The following TECR variants were observed in gnomAD, a reference collection of about 807,000 sequenced individuals.
The protein encoded by TECR is trans-2,3-enoyl-CoA reductase.
A neutral mutation model predicts 50.6 loss-of-function variants in TECR; 19 were observed. The ratio of observed to expected loss-of-function variants is 0.38; its 90% CI spans 0.26 to 0.55. TECR has a LOEUF of 0.55. Ranked by LOEUF, TECR falls within the 20% of genes least tolerant of loss-of-function variation. The pLI is 0.79. For synonymous variants in TECR, 168 were observed against 163.5 expected (o/e 1.03, Z -0.21); for missense variants, 313 against 408.3 (o/e 0.77, Z 2.01).
intron 1 of TECR, among the ~76,000 whole-genome samples, chr19:14,559,741 C>T (rs991923237): frequency 6.6e-6 from 1 of 151,364 alleles, no homozygotes; most frequent in Non-Finnish European, 1.5e-5. Context: ...GAGTCAAGAT[C>T]GCACTGCTGC....
chr19:14,535,165 G>C (rs189226586), intron 1 of TECR, among the ~76,000 whole-genome samples: 165 of 151,870 alleles, frequency 1.1e-3, no homozygotes, highest in Admixed American at 9.5e-3. Flanking sequence ...CTGAGGTCAG[G>C]AGTTCAAGAC....
chr19:14,529,818 G>A, intron 1 of TECR, 107 bp downstream of exon 1: 1 of 1,533,150 alleles, frequency 6.5e-7, no homozygotes, highest in East Asian at 2.3e-5. Context: ...CGAAGGAAGA[G>A]CCAGACGGCG....
At chr19:14,559,510 G>A (rs1381834351) in intron 1 of TECR, among the ~76,000 whole-genome samples, 1 of 151,618 alleles carries the variant, frequency 6.6e-6, no homozygotes, top group Non-Finnish European at 1.5e-5. Flanking sequence ...ATTATAGGCC[G>A]GGCCAGGTGG....
intron 1 of TECR, among the ~76,000 whole-genome samples, chr19:14,543,421 T>TA (rs1568406080): frequency 1.7e-3 from 12 of 6,902 alleles, no homozygotes; most frequent in African/African-American, 2.5e-3. Context: ...ATATATATAT[T>TA]TTTTTTTTTT....
At chr19:14,547,020 A>G (rs1228921169) in intron 1 of TECR, among the ~76,000 whole-genome samples, 4 of 152,202 alleles carry the variant, frequency 2.6e-5, no homozygotes, top group Non-Finnish European at 5.9e-5. Flanking sequence ...AATTTGATCA[A>G]CATGATAGGG....
At chr19:14,540,112 T>C (rs2073047908) in intron 1 of TECR, among the ~76,000 whole-genome samples, 1 of 151,394 alleles carries the variant, frequency 6.6e-6, no homozygotes. Context: ...CAGGCTGGAG[T>C]GCAGTGGCAT....
intron 1 of TECR, among the ~76,000 whole-genome samples, chr19:14,547,547 A>C (rs1366258209): frequency 1.3e-5 from 2 of 152,082 alleles, no homozygotes; most frequent in Non-Finnish European, 2.9e-5. Context: ...TTTTCAGTCG[A>C]GATGAGTTTT....
chr19:14,532,752 A>T (rs968116564), intron 1 of TECR, among the ~76,000 whole-genome samples: 3 of 152,178 alleles, frequency 2.0e-5, no homozygotes, highest in African/African-American at 7.2e-5. Context: ...GGTCAGTAAA[A>T]ATAGAAAGGA....
chr19:14,565,969 G>T lies in TECR; in HGVS notation c.*98G>T, dbSNP rs1358836818. On this transcript the variant is annotated 3_prime_UTR_variant, in exon 13 of 13. Transcript: ENST00000215567. ...CCAGCACCCGGAATAAAGCCCGCCT[G>T]CCCCAGTCGGACTCGGGCTCTGTGT... 1.3e-6 allele frequency: 2 copies of T among 1,552,376 alleles called. No individual in the cohort carries two copies. Among genetic ancestry groups the T allele is most frequent in the Admixed American group, 1.9e-5 (1 of 52,044 alleles).
At chr19:14,560,164 C>A (rs560304948) in intron 1 of TECR, among the ~76,000 whole-genome samples, 1 of 152,198 alleles carries the variant, frequency 6.6e-6, no homozygotes. Flanking sequence ...AGCAGCTAGC[C>A]GGGACCCCGA....
At chr19:14,542,542 A>G (rs1221972559) in intron 1 of TECR, among the ~76,000 whole-genome samples, 2 of 151,036 alleles carry the variant, frequency 1.3e-5, no homozygotes, top group Non-Finnish European at 3.0e-5. Context: ...TTTTATTTTT[A>G]GTAGAAATGT....
chr19:14,539,368 G>T (rs578110432), intron 1 of TECR, among the ~76,000 whole-genome samples: 1 of 151,936 alleles, frequency 6.6e-6, no homozygotes, highest in South Asian at 2.1e-4. Flanking sequence ...ACCACACTCA[G>T]AGCCCACTTT....
intron 1 of TECR, among the ~76,000 whole-genome samples, chr19:14,552,998 G>A (rs796815330): frequency 6.6e-6 from 1 of 152,072 alleles, no homozygotes; most frequent in African/African-American, 2.4e-5. Context: ...GGGCACAACC[G>A]CAGGGATGGG....
chr19:14,533,236 C>T (rs2072739715), intron 1 of TECR, among the ~76,000 whole-genome samples: 1 of 152,128 alleles, frequency 6.6e-6, no homozygotes, highest in African/African-American at 2.4e-5. Flanking sequence ...GCCTGGCCAA[C>T]ATGATGAAAC....
At chr19:14,544,984 C>T (rs1457759529) in intron 1 of TECR, 8 of 414,414 alleles carry the variant, frequency 1.9e-5, no homozygotes, top group Non-Finnish European at 3.9e-5. Context: ...CTGCGGTGTC[C>T]TTTTCACTCC....
chr19:14,561,642 A>C (rs1338898934), intron 1 of TECR, among the ~76,000 whole-genome samples: 1 of 152,100 alleles, frequency 6.6e-6, no homozygotes, highest in East Asian at 1.9e-4. Flanking sequence ...TAAGGTGAGA[A>C]GTGGGTGGGG....
At chr19:14,535,042 G>A (rs1232053089) in intron 1 of TECR, among the ~76,000 whole-genome samples, 1 of 152,048 alleles carries the variant, frequency 6.6e-6, no homozygotes, top group African/African-American at 2.4e-5. Context: ...CCCTAAAATC[G>A]GATGGGCTGC....
At chr19:14,542,844 T>C (rs2073148940) in intron 1 of TECR, among the ~76,000 whole-genome samples, 1 of 152,156 alleles carries the variant, frequency 6.6e-6, no homozygotes, top group Non-Finnish European at 1.5e-5. Context: ...TGTGGCCCTG[T>C]AGCTGTGTCA....
intron 1 of TECR, among the ~76,000 whole-genome samples, chr19:14,538,036 G>GCGC (rs1208713057): frequency 2.0e-5 from 3 of 152,196 alleles, no homozygotes; most frequent in African/African-American, 7.2e-5. Context: ...GTGAGCCACT[G>GCGC]CGCCGGCAGT....
Sources: gnomAD v4.1 joint callset for allele counts (sites outside exome capture counted in the v4.1 genomes callset) on GRCh38, gnomAD v4.1.1 for gene constraint, MANE v1.5 for transcripts, NCBI Gene and HGNC (gene_info 2026-07-23, HGNC 2026-07-21) for gene names.